Variants in DEUP1 observed in about 807,000 individuals in gnomAD.
DEUP1 encodes coiled-coil domain containing 67.
A neutral mutation model predicts 87.4 loss-of-function variants in DEUP1; 82 were observed. That is an observed-to-expected ratio of 0.94 (90% confidence interval 0.78 to 1.13). DEUP1 has a LOEUF of 1.13. Ranked by LOEUF, DEUP1 falls within the 50% of genes most tolerant of loss-of-function variation. The pLI is 0.00. For synonymous variants in DEUP1, 214 were observed against 222.7 expected (o/e 0.96, Z 0.35); for missense variants, 663 against 681.5 (o/e 0.97, Z 0.30).
intron 7 of DEUP1, among the ~76,000 whole-genome samples, chr11:93,384,146 G>A (rs1287074408): frequency 2.0e-5 from 3 of 152,122 alleles, no homozygotes; most frequent in African/African-American, 7.2e-5. Flanking sequence ...CCTCAAATGA[G>A]CACTCAACAC....
Position 93,396,277 on chromosome 11 carries a change from C to T in DEUP1, c.1278C>T (p.Asn426=). Residue 426 remains asparagine, a synonymous_variant, in exon 11 of 14, where the codon AAC becomes AAT. Coordinates refer to ENST00000298050, the MANE Select transcript of DEUP1 (RefSeq NM_181645.4). ...AATATAAAGCTGTCAGAACTGAAAA[C>T]ACACATCTAAAAGGAATGATGGGAG... is the stretch of plus-strand genomic sequence containing the variant. ...DMKYKAVRTE[N]THLKGMMGDL... The T allele has an allele frequency of 6.3e-7, 1 of 1,587,440 alleles. No homozygotes were observed. Among genetic ancestry groups the T allele is most frequent in the South Asian group, 1.2e-5 (1 of 85,958 alleles).
intron 13 of DEUP1, among the ~76,000 whole-genome samples, chr11:93,415,980 T>C (rs568672434): frequency 4.6e-5 from 7 of 152,254 alleles, no homozygotes; most frequent in African/African-American, 1.7e-4. Context: ...TTTTGGTGCA[T>C]GTGTATATAC....
intron 13 of DEUP1, among the ~76,000 whole-genome samples, chr11:93,419,334 C>A (rs1000557458): frequency 6.6e-6 from 1 of 152,130 alleles, no homozygotes; most frequent in African/African-American, 2.4e-5. Context: ...CCAGAACAGG[C>A]AAGAATGTGC....
At chr11:93,352,477 T>A (rs1177435211) in intron 2 of DEUP1, 1 of 678,994 alleles carries the variant, frequency 1.5e-6, no homozygotes, top group Non-Finnish European at 2.7e-6. Context: ...AAGCATTTTG[T>A]TTGAAACTCA....
chr11:93,430,014 CT>C (rs1948054758), intron 13 of DEUP1, among the ~76,000 whole-genome samples: 1 of 152,154 alleles, frequency 6.6e-6, no homozygotes, highest in African/African-American at 2.4e-5. Flanking sequence ...ATCAAGACTA[CT>C]GCCGATCTTC....
intron 2 of DEUP1, among the ~76,000 whole-genome samples, chr11:93,333,955 C>A (rs1157365533): frequency 6.6e-6 from 1 of 152,208 alleles, no homozygotes; most frequent in Non-Finnish European, 1.5e-5. Flanking sequence ...CCAGATATCA[C>A]TTCACTCCTA....
At chr11:93,403,940 T>C (rs1257567605) in intron 11 of DEUP1, among the ~76,000 whole-genome samples, 2 of 152,048 alleles carry the variant, frequency 1.3e-5, no homozygotes, top group African/African-American at 2.4e-5. Flanking sequence ...TTCTAAAATA[T>C]GTGCTGTTTG....
At chr11:93,387,884 T>A (rs916557090) in intron 8 of DEUP1, among the ~76,000 whole-genome samples, 3 of 152,130 alleles carry the variant, frequency 2.0e-5, no homozygotes, top group African/African-American at 4.8e-5. Context: ...TATAGTATGT[T>A]CTAATTATAT....
chr11:93,342,766 G>A (rs1434963112), intron 2 of DEUP1, among the ~76,000 whole-genome samples: 2 of 152,258 alleles, frequency 1.3e-5, no homozygotes, highest in South Asian at 2.1e-4. Flanking sequence ...AGGCTGACTC[G>A]GACCAAGGTT....
At chr11:93,420,564 GC>G (rs1470721451) in intron 13 of DEUP1, among the ~76,000 whole-genome samples, 1 of 145,634 alleles carries the variant, frequency 6.9e-6, no homozygotes, top group East Asian at 2.0e-4. Flanking sequence ...TCTGGCCAGG[GC>G]AATTAGGCAG....
At chr11:93,410,290 G>A (rs1565342275) in intron 12 of DEUP1, among the ~76,000 whole-genome samples, 1 of 152,148 alleles carries the variant, frequency 6.6e-6, no homozygotes, top group South Asian at 2.1e-4. Context: ...GTGGTGGGGT[G>A]TTGGTAGTGA....
At chr11:93,375,014 TA>T (rs1319580982) in intron 7 of DEUP1, among the ~76,000 whole-genome samples, 2 of 150,586 alleles carry the variant, frequency 1.3e-5, no homozygotes, top group African/African-American at 4.9e-5. Flanking sequence ...GGTATATTCC[TA>T]AGTATTTCTT....
At chr11:93,330,233 CA>C (rs1943400340), upstream of DEUP1, 1 of 152,010 alleles carries the variant, frequency 6.6e-6, no homozygotes, top group African/African-American at 2.4e-5. Flanking sequence ...CATGCCACTT[CA>C]AATTTGGGTA....
rs80030691 is a variant in DEUP1 at position 93,408,712 on chromosome 11, C to T, written c.1523+285C>T. Among the ~76,000 whole-genome samples, 668 of 152,218 alleles carry T rather than the reference C, an allele frequency of 4.4e-3. 3 individuals carry two copies. Among genetic ancestry groups the T allele is most frequent in the African/African-American group, 0.015 (633 of 41,548 alleles). On this transcript the variant is annotated intron_variant, in intron 12 of 13. Transcript: ENST00000298050. ...CAAAACATACAGATAAGTAATTTTA[C>T]TTTTGATGTCATGGGAACAGAGAAA...
chr11:93,393,536 A>G (rs1337870587), intron 9 of DEUP1, among the ~76,000 whole-genome samples: 1 of 151,862 alleles, frequency 6.6e-6, no homozygotes, highest in Non-Finnish European at 1.5e-5. Flanking sequence ...GGGTCTGATG[A>G]CCCTTCCTCT....
intron 9 of DEUP1, among the ~76,000 whole-genome samples, chr11:93,392,690 T>C (rs1313352562): frequency 1.3e-5 from 2 of 151,548 alleles, no homozygotes; most frequent in Non-Finnish European, 2.9e-5. Context: ...GAGAGAGCCT[T>C]GTTCTTTTAA....
chr11:93,360,908 A>C (rs1244587076), intron 4 of DEUP1, among the ~76,000 whole-genome samples: 2 of 75,176 alleles, frequency 2.7e-5, no homozygotes, highest in South Asian at 1.1e-3. Context: ...AACTTAGCAA[A>C]AAAAAAAAAA....
intron 11 of DEUP1, among the ~76,000 whole-genome samples, chr11:93,402,640 G>A (rs1947152341): frequency 6.6e-6 from 1 of 151,804 alleles, no homozygotes; most frequent in South Asian, 2.1e-4. Flanking sequence ...ATTAAGAAAT[G>A]TGGTATATAT....
intron 13 of DEUP1, among the ~76,000 whole-genome samples, chr11:93,416,384 T>C (rs1275468240): frequency 6.6e-6 from 1 of 152,114 alleles, no homozygotes; most frequent in African/African-American, 2.4e-5. Flanking sequence ...CAAACTACCA[T>C]CAGAGAATAC....
Sources: gnomAD v4.1 joint callset for allele counts (sites outside exome capture counted in the v4.1 genomes callset) on GRCh38, gnomAD v4.1.1 for gene constraint, MANE v1.5 for transcripts, NCBI Gene and HGNC (gene_info 2026-07-23, HGNC 2026-07-21) for gene names.